PTPRT: variants seen among roughly 807,000 people sequenced by gnomAD.
The protein encoded by PTPRT is receptor-type tyrosine-protein phosphatase T.
A neutral mutation model predicts 176.8 loss-of-function variants in PTPRT; 56 were observed. That is an observed-to-expected ratio of 0.32 (90% CI 0.26 to 0.40). The LOEUF is 0.40. PTPRT is among the 10% of genes least tolerant of loss of function. The pLI, the probability that PTPRT is intolerant of heterozygous loss-of-function variation, is 1.00. For missense variants in PTPRT, 1,540 were observed against 1,908.2 expected (o/e 0.81, Z 3.60); for synonymous variants, 783 against 739.0 (o/e 1.06, Z -0.96).
chr20:43,183,230 T>C (rs2015310575), intron 1 of PTPRT, among the ~76,000 whole-genome samples: 1 of 152,216 alleles, frequency 6.6e-6, no homozygotes, highest in African/African-American at 2.4e-5. Context: ...CGAGAGATAA[T>C]GCTTTGCAAA....
At chr20:43,089,381 T>C (rs1431050290) in intron 1 of PTPRT, among the ~76,000 whole-genome samples, 1 of 152,122 alleles carries the variant, frequency 6.6e-6, no homozygotes, top group Non-Finnish European at 1.5e-5. Flanking sequence ...TAATTAAACA[T>C]CCAACAATGA....
At chr20:42,385,944 A>G (rs2058740360) in intron 9 of PTPRT, among the ~76,000 whole-genome samples, 1 of 152,242 alleles carries the variant, frequency 6.6e-6, no homozygotes, top group South Asian at 2.1e-4. Flanking sequence ...TGCTAAGAGT[A>G]GAGATCTCAT....
rs189701513 is a variant in PTPRT at position 42,098,050 on chromosome 20, G to C, written c.3846+371C>G. Among the ~76,000 whole-genome samples, 209 of 152,300 alleles carry C rather than the reference G, an allele frequency of 1.4e-3. 4 individuals are homozygous for C. The highest frequency in any genetic ancestry group is 0.012 in the Admixed American group (189 of 15,300). On this transcript the variant is annotated intron_variant, in intron 27 of 30. Transcript: ENST00000373187. ...AGGGGGAAGGGAGGTGAGTGTGGCCGGGCATCTGGGTATTTTTCAGGGCTG... is the reference window on the plus strand; with the variant it reads ...AGGGGGAAGGGAGGTGAGTGTGGCCCGGCATCTGGGTATTTTTCAGGGCTG...
At chr20:42,259,482 C>A (rs995326637) in intron 13 of PTPRT, among the ~76,000 whole-genome samples, 5 of 152,208 alleles carry the variant, frequency 3.3e-5, no homozygotes, top group African/African-American at 1.2e-4. Context: ...CTCCCAATGA[C>A]CTCAACTACT....
At position 42,315,764 on chromosome 20, in the gene PTPRT, T is replaced by C; in HGVS notation, c.2098A>G (p.Ser700Gly). 1 of 1,614,144 alleles carries C rather than the reference T, an allele frequency of 6.2e-7. No homozygotes were observed. The highest frequency in any genetic ancestry group is 8.5e-7 in the Non-Finnish European group (1 of 1,180,024). ...YWNPPLSPLK[S>G]YSIYFQALSK... ...AGTGCCTGGAAGTAGATGCTGTAGCTTTTCAGGGGAGAGAGAGGAGGGTTC... is the reference window on the plus strand; with the variant it reads ...AGTGCCTGGAAGTAGATGCTGTAGCCTTTCAGGGGAGAGAGAGGAGGGTTC... The change falls in exon 12 of 31, where the codon AGC becomes GGC. Residue 700 changes from serine (S) to glycine (G), a missense_variant. Ser to Gly is a moderately conservative substitution (Grantham distance 56, BLOSUM62 0). Coordinates refer to ENST00000373187, the MANE Select transcript of PTPRT (RefSeq NM_007050.6).
At chr20:42,881,724 CAAAAAA>C (rs112191705) in intron 2 of PTPRT, among the ~76,000 whole-genome samples, 1,976 of 36,622 alleles carry the variant, frequency 0.054, 39 homozygotes, top group African/African-American at 0.13. Context: ...CACTCTGTCT[CAAAAAA>C]AAAAAAAAAA....
At chr20:42,352,471 T>C (rs922593407) in intron 9 of PTPRT, among the ~76,000 whole-genome samples, 186 bp from the exon 10 acceptor site, 3 of 152,186 alleles carry the variant, frequency 2.0e-5, no homozygotes, top group Admixed American at 6.5e-5. Flanking sequence ...AATACCCCAT[T>C]GCTCACCCAC....
intron 9 of PTPRT, among the ~76,000 whole-genome samples, chr20:42,439,757 A>C (rs1424277918): frequency 6.6e-6 from 1 of 152,170 alleles, no homozygotes; most frequent in East Asian, 1.9e-4. Flanking sequence ...ACAAACAAAT[A>C]CAGCATATGG....
chr20:42,309,583 C>T (rs548570182), intron 12 of PTPRT, among the ~76,000 whole-genome samples: 5 of 152,312 alleles, frequency 3.3e-5, no homozygotes, highest in African/African-American at 1.2e-4. Context: ...GTACTGACAC[C>T]TACTTGGTGC....
chr20:42,876,097 T>C (rs771116121), intron 2 of PTPRT, among the ~76,000 whole-genome samples: 4 of 152,164 alleles, frequency 2.6e-5, no homozygotes, highest in African/African-American at 7.2e-5. Flanking sequence ...CATCAATATG[T>C]TAATGGTGAT....
At chr20:43,059,311 G>T (rs1987361857) in intron 1 of PTPRT, among the ~76,000 whole-genome samples, 1 of 151,894 alleles carries the variant, frequency 6.6e-6, no homozygotes, top group African/African-American at 2.4e-5. Flanking sequence ...TTTCATTTTT[G>T]AGTCATTTCT....
At chr20:42,512,651 T>A (rs1484149335) in intron 7 of PTPRT, among the ~76,000 whole-genome samples, 2 of 152,200 alleles carry the variant, frequency 1.3e-5, no homozygotes, top group African/African-American at 4.8e-5. Flanking sequence ...TTTGGGTTGC[T>A]GGGTCTAACA....
chr20:42,329,084 T>C (rs1390947678), intron 11 of PTPRT, among the ~76,000 whole-genome samples: 3 of 152,224 alleles, frequency 2.0e-5, no homozygotes, highest in African/African-American at 7.2e-5. Context: ...AGTAAAACAA[T>C]TTTAACAAGG....
chr20:42,555,969 T>C (rs1327609985), intron 7 of PTPRT, among the ~76,000 whole-genome samples: 3 of 152,230 alleles, frequency 2.0e-5, no homozygotes, highest in African/African-American at 4.8e-5. Flanking sequence ...AGCCGATTAA[T>C]ATAAAAAAGC....
intron 1 of PTPRT, among the ~76,000 whole-genome samples, chr20:42,972,705 A>C (rs978778180): frequency 6.6e-6 from 1 of 150,902 alleles, no homozygotes; most frequent in Non-Finnish European, 1.5e-5. Flanking sequence ...AAAAGGAAGA[A>C]GAAGAATTTG....
chr20:42,513,573 A>G (rs564905576), intron 7 of PTPRT, among the ~76,000 whole-genome samples: 31 of 152,124 alleles, frequency 2.0e-4, no homozygotes, highest in African/African-American at 7.5e-4. Context: ...TTTACTTGAA[A>G]CTTGCATGAG....
At chr20:42,381,078 C>G (rs546984680) in intron 9 of PTPRT, among the ~76,000 whole-genome samples, 1 of 152,190 alleles carries the variant, frequency 6.6e-6, no homozygotes, top group East Asian at 1.9e-4. Flanking sequence ...GACAACAGCA[C>G]CAAGGGGATG....
rs996991442 is a variant in PTPRT at position 42,456,920 on chromosome 20, C to G, written c.1451-8591G>C. ...TTGACTGATTGCACTTGTGAAGTCA[C>G]CTGGGACTGATGTGTACTTTGTTGC... On this transcript the variant is annotated intron_variant, in intron 8 of 30. Transcript: ENST00000373187. Among the ~76,000 whole-genome samples the G allele has an allele frequency of 5.1e-4, 77 of 152,092 alleles. 1 individual carries two copies. Among genetic ancestry groups the G allele is most frequent in the African/African-American group, 1.8e-3 (76 of 41,436 alleles).
At position 43,025,128 on chromosome 20, in the gene PTPRT, A is replaced by G. The variant is rs1318956694; in HGVS notation, c.89-139196T>C. On this transcript the variant is annotated intron_variant, in intron 1 of 30. Coordinates refer to ENST00000373187, the MANE Select transcript of PTPRT (RefSeq NM_007050.6). The stretch of plus-strand genomic sequence containing the variant: ...ACTTACAGGATAACCTGTTCTCCCA[A>G]TAGACAATGAGCCTCCTGTGGAATA... 5.3e-5 allele frequency among the ~76,000 whole-genome samples: 8 copies of G among 152,204 alleles called. No homozygotes were observed. The East Asian group carries it at 9.6e-4, about 18-fold the overall frequency.
Sources: gnomAD v4.1 joint callset for allele counts (sites outside exome capture counted in the v4.1 genomes callset) on GRCh38, gnomAD v4.1.1 for gene constraint, MANE v1.5 for transcripts, NCBI Gene and HGNC (gene_info 2026-07-23, HGNC 2026-07-21) for gene names.